Variants in GALNTL6 observed in about 807,000 individuals in gnomAD.
GALNTL6 encodes the protein polypeptide N-acetylgalactosaminyltransferase-like 6.
A neutral mutation model predicts 73.7 loss-of-function variants in GALNTL6; 46 were observed. That is an observed-to-expected ratio of 0.62 (90% confidence interval 0.49 to 0.80). The LOEUF is 0.80. Among genes scored for constraint, GALNTL6 ranks in the 30% least tolerant of loss-of-function variants. The pLI, the probability that GALNTL6 is intolerant of heterozygous loss-of-function variation, is 0.00. For synonymous variants in GALNTL6, 259 were observed against 263.7 expected, an observed-to-expected ratio of 0.98 and a Z score of 0.17; for missense variants, 604 against 755.0, an observed-to-expected ratio of 0.80 and a Z score of 2.34.
intron 9 of GALNTL6, among the ~76,000 whole-genome samples, chr4:172,942,562 C>A (rs1379767234): frequency 1.3e-5 from 2 of 152,166 alleles, no homozygotes; most frequent in African/African-American, 4.8e-5. Context: ...GGAAGAACAC[C>A]ATTCAGATTG....
chr4:172,762,031 A>G (rs1274395954), intron 5 of GALNTL6, among the ~76,000 whole-genome samples: 2 of 152,248 alleles, frequency 1.3e-5, no homozygotes. Context: ...GCGCCAGATC[A>G]AAGAATGGGT....
intron 10 of GALNTL6, among the ~76,000 whole-genome samples, chr4:172,958,429 T>A (rs1165944737): frequency 6.6e-6 from 1 of 152,124 alleles, no homozygotes; most frequent in East Asian, 1.9e-4. Context: ...AAAGCTGTCT[T>A]CAAGGAACAG....
At chr4:172,525,288 C>T (rs1254007483) in intron 5 of GALNTL6, among the ~76,000 whole-genome samples, 1 of 152,160 alleles carries the variant, frequency 6.6e-6, no homozygotes, top group Non-Finnish European at 1.5e-5. Flanking sequence ...TCAAGTTTCA[C>T]AAAACCTGTT....
chr4:172,228,974 T>C (rs1222782029), intron 2 of GALNTL6, among the ~76,000 whole-genome samples: 2 of 152,250 alleles, frequency 1.3e-5, no homozygotes, highest in African/African-American at 4.8e-5. Flanking sequence ...ACATGCACTA[T>C]GTTTCCAGAA....
At chr4:172,394,370 C>CAA (rs1295392844) in intron 5 of GALNTL6, among the ~76,000 whole-genome samples, 1 of 148,822 alleles carries the variant, frequency 6.7e-6, no homozygotes, top group African/African-American at 2.5e-5. Flanking sequence ...CCAACTTCAA[C>CAA]AAAAAAGCCA....
intron 2 of GALNTL6, among the ~76,000 whole-genome samples, chr4:172,126,168 T>C (rs374116280): frequency 1.6e-4 from 24 of 152,200 alleles, no homozygotes; most frequent in African/African-American, 5.1e-4. Flanking sequence ...TGTGAATTAA[T>C]AGACTCAAAT....
intron 2 of GALNTL6, among the ~76,000 whole-genome samples, chr4:172,141,590 T>A (rs954225827): frequency 1.3e-5 from 2 of 151,938 alleles, no homozygotes; most frequent in African/African-American, 4.8e-5. Flanking sequence ...TATTTTAATA[T>A]TTTAAACTCG....
chr4:172,567,557 C>T (rs1445837126), intron 5 of GALNTL6, among the ~76,000 whole-genome samples: 1 of 152,086 alleles, frequency 6.6e-6, no homozygotes, highest in East Asian at 1.9e-4. Context: ...TCTTGTTGGC[C>T]GGGTGTGGTA....
intron 5 of GALNTL6, among the ~76,000 whole-genome samples, chr4:172,486,126 G>A (rs1341726621): frequency 6.6e-6 from 1 of 152,146 alleles, no homozygotes; most frequent in African/African-American, 2.4e-5. Context: ...AGTAGACACT[G>A]AAATATTTTA....
chr4:172,447,766 G>T (rs1732077057), intron 5 of GALNTL6, among the ~76,000 whole-genome samples: 1 of 151,940 alleles, frequency 6.6e-6, no homozygotes, highest in Non-Finnish European at 1.5e-5. Context: ...TGCTTAATGT[G>T]GGTCAGAGCC....
chr4:173,024,794 G>T (rs933173306), intron 12 of GALNTL6, among the ~76,000 whole-genome samples: 3 of 152,132 alleles, frequency 2.0e-5, no homozygotes, highest in African/African-American at 4.8e-5. Context: ...GACCACGCTG[G>T]TCTCGAACTC....
intron 5 of GALNTL6, among the ~76,000 whole-genome samples, chr4:172,657,724 T>C (rs548173614): frequency 3.0e-4 from 46 of 152,128 alleles, no homozygotes; most frequent in Non-Finnish European, 5.7e-4. Flanking sequence ...TTTGCGGGTG[T>C]GGACTAGGGT....
intron 2 of GALNTL6, among the ~76,000 whole-genome samples, chr4:171,913,617 A>T (rs913103761): frequency 6.6e-6 from 1 of 152,232 alleles, no homozygotes; most frequent in African/African-American, 2.4e-5. Flanking sequence ...AAAAGGGTAA[A>T]AACTGCACAT....
intron 3 of GALNTL6, among the ~76,000 whole-genome samples, chr4:172,307,217 T>G (rs1740170262): frequency 6.6e-6 from 1 of 152,170 alleles, no homozygotes; most frequent in South Asian, 2.1e-4. Flanking sequence ...TAATTAGTGA[T>G]GTTGAGCACT....
chr4:172,214,782 G>T (rs983623738), intron 2 of GALNTL6, among the ~76,000 whole-genome samples: 4 of 151,988 alleles, frequency 2.6e-5, no homozygotes, highest in Non-Finnish European at 5.9e-5. Flanking sequence ...CAAAGTGCTG[G>T]AATAACAGAT....
chr4:172,152,104 G>A (rs1024962236), intron 2 of GALNTL6, among the ~76,000 whole-genome samples: 3 of 151,940 alleles, frequency 2.0e-5, no homozygotes, highest in African/African-American at 7.3e-5. Context: ...AGCCTCCTGA[G>A]TAGCTGGGAT....
chr4:172,205,260 C>A (rs1043124545), intron 2 of GALNTL6, among the ~76,000 whole-genome samples: 2 of 152,018 alleles, frequency 1.3e-5, no homozygotes, highest in Admixed American at 1.3e-4. Context: ...AGTTAAAAAG[C>A]AAGGATCTGC....
intron 3 of GALNTL6, among the ~76,000 whole-genome samples, chr4:172,246,803 T>C (rs1221401024): frequency 7.5e-6 from 1 of 134,228 alleles, no homozygotes; most frequent in Non-Finnish European, 1.6e-5. Context: ...CCAGGCGATT[T>C]ATATATATAT....
rs527241460 is a variant in GALNTL6, at chr4:172,954,649, G to A, written c.1371+2391G>A. Among the ~76,000 whole-genome samples, 6 of 152,140 alleles carry A rather than the reference G, an allele frequency of 3.9e-5. No homozygotes were observed. The East Asian group carries it at 5.8e-4, about 15-fold the overall frequency. On this transcript the variant is annotated intron_variant, in intron 10 of 12. Transcript: ENST00000506823. ...TCCCAGCTAATTTTTTAAATTTTTTGTAGAGACTAGGTCTCAATATGTTGC... is the reference window on the plus strand; with the variant it reads ...TCCCAGCTAATTTTTTAAATTTTTTATAGAGACTAGGTCTCAATATGTTGC...
Sources: gnomAD v4.1 joint callset for allele counts (sites outside exome capture counted in the v4.1 genomes callset) on GRCh38, gnomAD v4.1.1 for gene constraint, MANE v1.5 for transcripts, NCBI Gene and HGNC (gene_info 2026-07-23, HGNC 2026-07-21) for gene names.